The following GRK4 variants were observed in gnomAD, a reference collection of about 807,000 sequenced individuals.
GRK4 encodes G protein-coupled receptor kinase 2-like.
In GRK4, 73 loss-of-function variants were observed where a neutral mutation model predicts 77.9. The ratio of observed to expected loss-of-function variants is 0.94; its 90% CI spans 0.78 to 1.14. GRK4 has a LOEUF of 1.14. GRK4 is among the 50% of genes most tolerant of loss of function. GRK4 has a pLI of 0.00. For missense variants in GRK4, 729 were observed against 700.2 expected, an observed-to-expected ratio of 1.04 and a Z score of -0.46; for synonymous variants, 257 against 254.4, an observed-to-expected ratio of 1.01 and a Z score of -0.10.
intron 3 of GRK4, among the ~76,000 whole-genome samples, chr4:2,990,313 A>G (rs576503420): frequency 2.5e-5 from 3 of 120,984 alleles, no homozygotes; most frequent in African/African-American, 9.9e-5. Context: ...CTGGAGTGCT[A>G]TGGCGTGATC....
At chr4:2,974,720 G>A (rs1365103006) in intron 1 of GRK4, among the ~76,000 whole-genome samples, 1 of 152,200 alleles carries the variant, frequency 6.6e-6, no homozygotes, top group African/African-American at 2.4e-5. Flanking sequence ...TGGTGTTCTG[G>A]TTGCATGGAA....
At position 3,040,731 on chromosome 4, in the gene GRK4, C is replaced by A; in HGVS notation, c.*106C>A. Reference sequence around the variant, plus strand: ...ATAAATACATCTAAATAAAACATGCCTTGGGAGTGTACAGACCTTTCTGCA... The same window carrying A: ...ATAAATACATCTAAATAAAACATGCATTGGGAGTGTACAGACCTTTCTGCA... On this transcript the variant is annotated 3_prime_UTR_variant, in exon 16 of 16. Coordinates refer to ENST00000398052, the MANE Select transcript of GRK4 (RefSeq NM_182982.3). The A allele has an allele frequency of 1.1e-6, 1 of 885,554 alleles. No homozygotes were observed. The highest frequency in any genetic ancestry group is 1.8e-6 in the Non-Finnish European group (1 of 570,138). The allele number at this position is 885,554 out of a possible 1,614,324, so 54.9% of individuals were successfully genotyped here.
intron 1 of GRK4, among the ~76,000 whole-genome samples, chr4:2,981,056 A>G (rs1439703870): frequency 6.6e-6 from 1 of 152,268 alleles, no homozygotes; most frequent in Non-Finnish European, 1.5e-5. Flanking sequence ...GACCAAGCGT[A>G]CTGCAAGCAG....
In GRK4 at chr4:2,988,915, G is replaced by C. The variant is rs752537255; in HGVS notation, c.261+76G>C. ...AAATGTAAAAACTTGGCCAGGCGCA[G>C]TAGCTCATGCTGTAATCCCAGCATT... On this transcript the variant is annotated intron_variant, in intron 3 of 15. Transcript: ENST00000398052. 5 of 897,714 alleles carry C rather than the reference G, an allele frequency of 5.6e-6. No homozygotes were observed. The Middle Eastern group carries it at 1.1e-3, about 194-fold the overall frequency. 55.6% of individuals were successfully genotyped at this position (897,714 alleles called of 1,614,324 possible).
intron 2 of GRK4, among the ~76,000 whole-genome samples, chr4:2,985,971 C>T (rs1285841705): frequency 2.0e-5 from 2 of 100,680 alleles, no homozygotes; most frequent in Admixed American, 2.6e-4. Flanking sequence ...GGTGACAGAA[C>T]AAGACTCCGT....
At chr4:3,038,556 A>AG (rs752063332) in intron 15 of GRK4, 43 bp downstream of exon 15, 1 of 1,561,420 alleles carries the variant, frequency 6.4e-7, no homozygotes, top group Non-Finnish European at 8.6e-7. Context: ...GTATGTGAAA[A>AG]AAAAAAAAAC....
Position 3,013,789 on chromosome 4 carries a change from T to A in GRK4, c.702T>A (p.Asn234Lys), listed in dbSNP as rs1578249161. ...GGAAAGGTGAAGCTATGGCTCTAAA[T>A]GAGAAAAGAATTCTGGAGAAAGTGC... ...KKRKGEAMAL[N>K]EKRILEKVQS... The change falls in exon 8 of 16, where the codon AAT becomes AAA. Residue 234 changes from asparagine (N) to lysine (K), a missense_variant. Asn to Lys is a moderately conservative substitution (Grantham distance 94). Transcript: ENST00000398052. 6.2e-7 allele frequency: 1 copy of A among 1,611,600 alleles called. No individual in the cohort carries two copies. Among genetic ancestry groups the A allele is most frequent in the African/African-American group, 1.3e-5 (1 of 74,688 alleles).
At chr4:3,019,048 T>G (rs1005582441) in intron 8 of GRK4, among the ~76,000 whole-genome samples, 2 of 152,040 alleles carry the variant, frequency 1.3e-5, no homozygotes, top group Non-Finnish European at 2.9e-5. Flanking sequence ...TGTGTGTGTG[T>G]GAACTGACAT....
At chr4:3,002,618 C>T (rs939404307) in intron 4 of GRK4, among the ~76,000 whole-genome samples, 8 of 152,046 alleles carry the variant, frequency 5.3e-5, no homozygotes, top group Non-Finnish European at 1.2e-4. Flanking sequence ...GCAGGAGAAT[C>T]GCTTGAACCT....
intron 15 of GRK4, chr4:3,038,872 T>C (rs1016325974): frequency 5.2e-6 from 1 of 192,000 alleles, no homozygotes; most frequent in Admixed American, 5.6e-5. Context: ...CTCTGGCTCT[T>C]AGACTCACCT....
At chr4:3,004,831 A>G (rs1730834321) in intron 5 of GRK4, among the ~76,000 whole-genome samples, 1 of 152,152 alleles carries the variant, frequency 6.6e-6, no homozygotes, top group South Asian at 2.1e-4. Context: ...GGAAGAAAAT[A>G]CATACATAAG....
At chr4:2,989,234 G>T (rs1725410692) in intron 3 of GRK4, among the ~76,000 whole-genome samples, 1 of 152,058 alleles carries the variant, frequency 6.6e-6, no homozygotes, top group South Asian at 2.1e-4. Context: ...GGAGTGGAGG[G>T]ACTGGTTGTC....
chr4:3,018,227 G>T (rs564586892), intron 8 of GRK4, among the ~76,000 whole-genome samples: 1 of 151,908 alleles, frequency 6.6e-6, no homozygotes, highest in East Asian at 1.9e-4. Context: ...CATTATTTTC[G>T]AACAACATCA....
intron 5 of GRK4, among the ~76,000 whole-genome samples, chr4:3,006,053 G>A (rs1731235770): frequency 6.6e-6 from 1 of 151,926 alleles, no homozygotes; most frequent in Non-Finnish European, 1.5e-5. Flanking sequence ...TCTGAAAATG[G>A]ATTAGAGTAA....
At chr4:3,000,089 C>G (rs1351457138) in intron 4 of GRK4, among the ~76,000 whole-genome samples, 3 of 152,144 alleles carry the variant, frequency 2.0e-5, no homozygotes, top group African/African-American at 4.8e-5. Flanking sequence ...AAGCAAGGCA[C>G]TAAGTCATTT....
rs777942378 is a variant in GRK4 at position 3,004,348 on chromosome 4, G to A, written c.443+14G>A. On this transcript the variant is annotated intron_variant, in intron 5 of 15. Coordinates refer to ENST00000398052, the MANE Select transcript of GRK4 (RefSeq NM_182982.3). ...GGAATGTACTAGGTAAGTGGTTCATGCTGAGCCCTGCATATATTATCTATG... is the reference window on the plus strand; with the variant it reads ...GGAATGTACTAGGTAAGTGGTTCATACTGAGCCCTGCATATATTATCTATG... The A allele has an allele frequency of 1.3e-6, 2 of 1,485,428 alleles. No homozygotes were observed. Among genetic ancestry groups the A allele is most frequent in the Admixed American group, 3.3e-5 (2 of 59,746 alleles). The allele number at this position is 1,485,428 out of a possible 1,614,324, so 92.0% of individuals were successfully genotyped here.
chr4:3,023,480 G>A (rs1239887372), intron 10 of GRK4, among the ~76,000 whole-genome samples: 2 of 152,200 alleles, frequency 1.3e-5, no homozygotes, highest in Admixed American at 1.3e-4. Context: ...AGTCGTGGGG[G>A]ACTTGGAATG....
At chr4:3,021,968 G>T (rs1390263909) in intron 9 of GRK4, among the ~76,000 whole-genome samples, 1 of 152,154 alleles carries the variant, frequency 6.6e-6, no homozygotes, top group African/African-American at 2.4e-5. Context: ...ATGAATGACC[G>T]ATGGTCCCAG....
intron 5 of GRK4, among the ~76,000 whole-genome samples, chr4:3,004,745 C>A (rs536992293): frequency 6.6e-6 from 1 of 152,092 alleles, no homozygotes; most frequent in African/African-American, 2.4e-5. Context: ...TCATCCTCGT[C>A]ATCTGCACGT....
Sources: gnomAD v4.1 joint callset for allele counts (sites outside exome capture counted in the v4.1 genomes callset) on GRCh38, gnomAD v4.1.1 for gene constraint, MANE v1.5 for transcripts, NCBI Gene and HGNC (gene_info 2026-07-23, HGNC 2026-07-21) for gene names.